Variants in PISD observed in about 807,000 individuals in gnomAD.
The protein encoded by PISD is phosphatidylserine decarboxylase.
A neutral mutation model predicts 43.5 loss-of-function variants in PISD; 31 were observed. The ratio of observed to expected loss-of-function variants is 0.71; its 90% CI spans 0.54 to 0.96. The LOEUF is 0.96. Ranked by LOEUF, PISD falls within the 40% of genes least tolerant of loss-of-function variation. PISD has a pLI of 0.00. For missense variants in PISD, 523 were observed against 548.4 expected (o/e 0.95, Z 0.46); for synonymous variants, 259 against 228.7 (o/e 1.13, Z -1.20).
rs969543611 is a variant in PISD at position 31,635,577 on chromosome 22, G to A, written c.321+12524C>T. On this transcript the variant is annotated intron_variant, in intron 3 of 7. Transcript: ENST00000439502. ...CTCCCAAAGTGCTGGGATTACGGGC[G>A]TCAGCCACCATGCCCCGCTGAGTTC... Among the ~76,000 whole-genome samples, 12 of 152,128 alleles carry A rather than the reference G, an allele frequency of 7.9e-5. No individual in the cohort carries two copies. In the South Asian group the frequency reaches 1.4e-3, roughly 18 times the overall value.
chr22:31,646,672 A>AG (rs1275911721), intron 3 of PISD, among the ~76,000 whole-genome samples: 4 of 152,144 alleles, frequency 2.6e-5, no homozygotes, highest in Admixed American at 1.3e-4. Context: ...TTAACACTTG[A>AG]GGGGGGTCAT....
chr22:31,619,838 T>C lies in PISD; in HGVS notation c.1006-2A>G, dbSNP rs113939917. 1.9e-6 allele frequency: 3 copies of C among 1,608,580 alleles called. No individual in the cohort carries two copies. Among genetic ancestry groups the C allele is most frequent in the Middle Eastern group, 1.7e-4 (1 of 6,040 alleles). On this transcript the variant is annotated splice_acceptor_variant, in intron 7 of 7. Transcript: ENST00000439502. LOFTEE classifies it high-confidence loss of function. ...CCTTGGGCTGTTTGTGTGCAGGTCCTGTGGTGATAGGCTGGGGGTCAGTGG... is the reference window on the plus strand; with the variant it reads ...CCTTGGGCTGTTTGTGTGCAGGTCCCGTGGTGATAGGCTGGGGGTCAGTGG...
rs1281244363 is a variant in PISD, at chr22:31,648,137, T to C, written c.285A>G (p.Gly95=). 1 of 1,612,062 alleles carries C rather than the reference T, an allele frequency of 6.2e-7. No individual in the cohort carries two copies. The highest frequency in any genetic ancestry group is 8.5e-7 in the Non-Finnish European group (1 of 1,179,814). ...KYRERELEKL[G]LEIPPKLAGH... ...CAGCAAGTTTGGGTGGAATCTCCAA[T>C]CCCAGCTTCTCCAGCTCTCGCTCCC... The change falls in exon 3 of 8, where the codon GGA becomes GGG. Residue 95 remains glycine, a synonymous_variant. Transcript: ENST00000439502.
At chr22:31,623,656 C>T (rs747177542) in intron 3 of PISD, 26 of 1,596,362 alleles carry the variant, frequency 1.6e-5, no homozygotes, top group African/African-American at 5.4e-5. Flanking sequence ...AAGGGAGGTC[C>T]GAGCCACAGG....
At chr22:31,653,051 A>C (rs541035213) in intron 1 of PISD, among the ~76,000 whole-genome samples, 2 of 151,520 alleles carry the variant, frequency 1.3e-5, no homozygotes, top group East Asian at 1.9e-4. Context: ...AAAAAAAAAA[A>C]AAAAAAAACC....
At chr22:31,621,282 G>A in intron 5 of PISD, 52 bp downstream of exon 5, 1 of 1,611,786 alleles carries the variant, frequency 6.2e-7, no homozygotes, top group Non-Finnish European at 8.5e-7. Context: ...CTCCCTCCCG[G>A]TCCAGCCACA....
intron 3 of PISD, 86 bp from the exon 4 acceptor site, chr22:31,621,971 T>G (rs764936996): frequency 8.3e-5 from 85 of 1,021,870 alleles, no homozygotes; most frequent in Non-Finnish European, 6.5e-5. Context: ...CAGCTCTCAC[T>G]TCAGGGGAGA....
At chr22:31,623,036 G>A (rs575703790) in intron 3 of PISD, among the ~76,000 whole-genome samples, 2 of 152,342 alleles carry the variant, frequency 1.3e-5, no homozygotes, top group East Asian at 3.9e-4. Flanking sequence ...AGGCACAGGT[G>A]GGAGCCTGGG....
At chr22:31,621,967 T>G in intron 3 of PISD, 82 bp from the exon 4 acceptor site, 1 of 1,062,288 alleles carries the variant, frequency 9.4e-7, no homozygotes, top group Non-Finnish European at 1.4e-6. Flanking sequence ...AGCCCAGCTC[T>G]CACTTCAGGG....
chr22:31,657,440 G>C (rs1232427121), intron 1 of PISD, among the ~76,000 whole-genome samples: 1 of 149,714 alleles, frequency 6.7e-6, no homozygotes, highest in Non-Finnish European at 1.5e-5. Flanking sequence ...CAGCCTTTTA[G>C]TTATTTTTAA....
At chr22:31,661,872 G>A (rs2074328325) in intron 1 of PISD, among the ~76,000 whole-genome samples, 1 of 152,144 alleles carries the variant, frequency 6.6e-6, no homozygotes, top group African/African-American at 2.4e-5. Flanking sequence ...CAAGAGACGG[G>A]CAGGTAGCCT....
At chr22:31,636,325 C>T (rs909789421) in intron 3 of PISD, among the ~76,000 whole-genome samples, 2 of 152,150 alleles carry the variant, frequency 1.3e-5, no homozygotes, top group East Asian at 1.9e-4. Context: ...AAGGAAGCAG[C>T]GCTCAGACAG....
chr22:31,623,797 T>C, intron 3 of PISD: 2 of 1,614,082 alleles, frequency 1.2e-6, no homozygotes, highest in Non-Finnish European at 8.5e-7. Flanking sequence ...GGTCTGGACA[T>C]GCAGCTCAGC....
In PISD at chr22:31,628,112, C is replaced by T. The variant is rs555875762; in HGVS notation, c.322-6227G>A. 5.1e-6 allele frequency: 5 copies of T among 985,590 alleles called. No individual in the cohort carries two copies. The South Asian group carries it at 2.3e-4, about 46-fold the overall frequency. The allele number at this position is 985,590 out of a possible 1,614,324, so 61.1% of individuals were successfully genotyped here. A position where few individuals can be genotyped will look rare whatever the true frequency, so the allele number is the denominator to read the frequency against. On this transcript the variant is annotated intron_variant, in intron 3 of 7. Coordinates refer to ENST00000439502, the MANE Select transcript of PISD (RefSeq NM_001326411.2). ...CGCCGAGACCAGGGTGTCAGTGCCTCCATATCACCAGCTGTGGGCCCCAGA... is the reference window on the plus strand; with the variant it reads ...CGCCGAGACCAGGGTGTCAGTGCCTTCATATCACCAGCTGTGGGCCCCAGA...
intron 3 of PISD, among the ~76,000 whole-genome samples, chr22:31,624,457 G>A (rs192547005): frequency 1.6e-4 from 25 of 152,158 alleles, no homozygotes; most frequent in Non-Finnish European, 2.8e-4. Context: ...GCTAAATTAC[G>A]GGGCCAAGGC....
rs200000861 is a variant in PISD at position 31,621,622 on chromosome 22, C to A, written c.558+27G>T. On this transcript the variant is annotated intron_variant, in intron 4 of 7. Coordinates refer to ENST00000439502, the MANE Select transcript of PISD (RefSeq NM_001326411.2). Reference sequence around the variant, plus strand: ...GGGAGGCAGGAAAAAGTCCTGTTTCCTGCAGGAGGAAAGGGTCAGGCCTCA... The same window carrying A: ...GGGAGGCAGGAAAAAGTCCTGTTTCATGCAGGAGGAAAGGGTCAGGCCTCA... The A allele has an allele frequency of 1.0e-5, 16 of 1,606,388 alleles. No homozygotes were observed. The East Asian group carries it at 3.3e-4, about 34-fold the overall frequency.
intron 3 of PISD, among the ~76,000 whole-genome samples, chr22:31,644,016 C>T: frequency 6.6e-6 from 1 of 151,660 alleles, no homozygotes; most frequent in Non-Finnish European, 1.5e-5. Flanking sequence ...CCACTGCACT[C>T]CAGCCTGGGT....
chr22:31,657,881 T>C (rs913255343), intron 1 of PISD, among the ~76,000 whole-genome samples: 1 of 152,170 alleles, frequency 6.6e-6, no homozygotes, highest in Non-Finnish European at 1.5e-5. Context: ...CACTACCCTT[T>C]CCAGCTTCTG....
chr22:31,624,650 GACAGACACACAC>G (rs1182920736), intron 3 of PISD, among the ~76,000 whole-genome samples: 1 of 132,876 alleles, frequency 7.5e-6, no homozygotes, highest in African/African-American at 2.8e-5. Flanking sequence ...GGGCTGCACA[GACAGACACACAC>G]ACACACACAC....
Sources: allele counts gnomAD v4.1 joint callset (sites outside exome capture counted in the v4.1 genomes callset), GRCh38; gene constraint gnomAD v4.1.1; transcripts MANE v1.5; gene names NCBI Gene and HGNC (gene_info 2026-07-23, HGNC 2026-07-21).